The following AZIN2 variants were observed in gnomAD, a reference collection of about 807,000 sequenced individuals.
AZIN2 encodes the protein antizyme inhibitor 2, also known as ODC antizyme inhibitor-2.
In AZIN2, 28 loss-of-function variants were observed where a neutral mutation model predicts 47.8. The ratio of observed to expected loss-of-function variants is 0.59; its 90% CI spans 0.43 to 0.80. The LOEUF (loss-of-function observed/expected upper bound fraction) is 0.80. Ranked by LOEUF, AZIN2 falls within the 30% of genes least tolerant of loss-of-function variation. AZIN2 has a pLI of 0.00. For synonymous variants in AZIN2, 221 were observed against 239.4 expected, an observed-to-expected ratio of 0.92 and a Z score of 0.71; for missense variants, 535 against 582.5, an observed-to-expected ratio of 0.92 and a Z score of 0.84.
At chr1:33,087,248 C>T (rs757049530) in intron 5 of AZIN2, among the ~76,000 whole-genome samples, 8 of 151,894 alleles carry the variant, frequency 5.3e-5, no homozygotes, top group Admixed American at 4.6e-4. Context: ...ATTCTCCTGC[C>T]TCAGCCTTCC....
the AZIN2 span, among the ~76,000 whole-genome samples, chr1:33,161,592 G>T: frequency 6.6e-6 from 1 of 152,156 alleles, no homozygotes; most frequent in East Asian, 1.9e-4. This position sits in a 1 kb window ranked among gnomAD's most constrained non-coding sequence, Gnocchi z 4.3. Flanking sequence ...GCAGACAAAG[G>T]GGGGCGGACG....
the AZIN2 span, among the ~76,000 whole-genome samples, chr1:33,155,588 G>A: frequency 6.6e-6 from 1 of 152,282 alleles, no homozygotes; most frequent in Middle Eastern, 3.4e-3. Context: ...TCTGGGGCCC[G>A]ACGTTGGGGT....
At chr1:33,149,457 T>TA in the AZIN2 span, among the ~76,000 whole-genome samples, 28,372 of 149,548 alleles carry the variant, frequency 0.19, 2,976 homozygotes, top group South Asian at 0.29. Context: ...CTGGATTCTT[T>TA]TAAAAAAAAA....
intron 10 of AZIN2, among the ~76,000 whole-genome samples, chr1:33,098,394 T>C (rs2124562237): frequency 6.6e-6 from 1 of 152,214 alleles, no homozygotes; most frequent in South Asian, 2.1e-4. Flanking sequence ...ATTGGAATCA[T>C]ATTGTTTTGT....
the AZIN2 span, among the ~76,000 whole-genome samples, chr1:33,131,912 G>A: frequency 6.6e-6 from 1 of 152,076 alleles, no homozygotes; most frequent in Non-Finnish European, 1.5e-5. Flanking sequence ...CAGAAACCTT[G>A]AGGGGAAATG....
At position 33,081,222 on chromosome 1, in the gene AZIN2, A is replaced by C. The variant is rs950031063; in HGVS notation, c.-478A>C. 6 of 153,346 alleles carry C rather than the reference A, an allele frequency of 3.9e-5. No homozygotes were observed. The highest frequency in any genetic ancestry group is 8.7e-5 in the Non-Finnish European group (6 of 68,684). The allele number at this position is 153,346 out of a possible 1,614,324, so 9.5% of individuals were successfully genotyped here. A position where few individuals can be genotyped will look rare whatever the true frequency, so the allele number is the denominator to read the frequency against. ...GGACCCGAGCCCGGGGAAGCGAGAG[A>C]GCGGAGGCGCCGAGGATCCGATTCA... On this transcript the variant is annotated 5_prime_UTR_variant, in exon 1 of 12. Transcript: ENST00000294517. The surrounding 1 kb of genome is among the most constrained non-coding windows in gnomAD (Gnocchi z 4.2).
chr1:33,146,984 A>C, the AZIN2 span: 1 of 617,654 alleles, frequency 1.6e-6, no homozygotes, highest in Non-Finnish European at 2.8e-6. Flanking sequence ...GAGCTACAGA[A>C]CATCGATGCT....
downstream of AZIN2, among the ~76,000 whole-genome samples, chr1:33,128,446 C>G (rs1322234772): frequency 6.6e-6 from 1 of 152,114 alleles, no homozygotes; most frequent in Non-Finnish European, 1.5e-5. Flanking sequence ...ACCACAGTAA[C>G]CAGGTAAGTT....
chr1:33,118,016 C>G lies in AZIN2; in HGVS notation c.1144C>G (p.Leu382Val), dbSNP rs761002540. ...WLPQLHVGDW[L>V]VFDNMGAYTV... The stretch of plus-strand genomic sequence containing the variant: ...GCCGCAACTACACGTAGGGGACTGG[C>G]TGGTCTTTGACAACATGGGCGCCTA... Residue 382 changes from leucine (L) to valine (V), a missense_variant, in exon 11 of 12, where the codon CTG becomes GTG. This residue lies in a region of AZIN2 where 122 missense variants were observed against 135.8 expected (regional missense o/e 0.90). Transcript: ENST00000294517. 6.3e-7 allele frequency: 1 copy of G among 1,591,788 alleles called. No homozygotes were observed. The highest frequency in any genetic ancestry group is 1.1e-5 in the South Asian group (1 of 87,482).
the AZIN2 span, chr1:33,147,377 G>T: frequency 6.2e-7 from 1 of 1,614,148 alleles, no homozygotes; most frequent in East Asian, 2.2e-5. This position sits in a 1 kb window ranked among gnomAD's most constrained non-coding sequence, Gnocchi z 8.1. Context: ...AGCTTGTCCC[G>T]GACGTTAAGC....
At chr1:33,137,269 C>T in the AZIN2 span, among the ~76,000 whole-genome samples, 2 of 152,170 alleles carry the variant, frequency 1.3e-5, no homozygotes, top group African/African-American at 2.4e-5. Context: ...AATGTGAGCT[C>T]TGCCACGTAA....
intron 8 of AZIN2, among the ~76,000 whole-genome samples, chr1:33,095,849 T>A (rs1278911533): frequency 6.6e-6 from 1 of 152,204 alleles, no homozygotes; most frequent in African/African-American, 2.4e-5. Context: ...GAAATAATTT[T>A]TTTTTTGAGA....
chr1:33,142,633 T>G, the AZIN2 span: 1 of 152,202 alleles, frequency 6.6e-6, no homozygotes. Context: ...GAAGCTTGGC[T>G]CACAATTGAG....
chr1:33,116,886 G>T (rs1219255689), intron 10 of AZIN2, among the ~76,000 whole-genome samples: 2 of 152,158 alleles, frequency 1.3e-5, no homozygotes, highest in Non-Finnish European at 2.9e-5. Flanking sequence ...CAGAGCAACT[G>T]GAGTAACTGG....
At chr1:33,092,994 A>G (rs1302737086) in intron 6 of AZIN2, among the ~76,000 whole-genome samples, 5 of 152,192 alleles carry the variant, frequency 3.3e-5, no homozygotes, top group African/African-American at 1.2e-4. Flanking sequence ...GACAAGTTTG[A>G]AAGCTCTAAC....
rs759678764 is a variant in AZIN2, at chr1:33,121,157, A to C, written c.*975A>C. Among the ~76,000 whole-genome samples the C allele has an allele frequency of 6.6e-6, 1 of 152,146 alleles. No homozygotes were observed. The highest frequency in any genetic ancestry group is 1.5e-5 in the Non-Finnish European group (1 of 68,012). ...CCGGGGTGTGTGAGCTGTTGAGCAA[A>C]GGAGTTCAGATTTTAGAGTCCCCCT... is the stretch of plus-strand genomic sequence containing the variant. On this transcript the variant is annotated 3_prime_UTR_variant, in exon 12 of 12. Transcript: ENST00000294517.
intron 5 of AZIN2, among the ~76,000 whole-genome samples, chr1:33,090,835 ACTT>A (rs979050563): frequency 6.6e-6 from 1 of 152,028 alleles, no homozygotes; most frequent in Non-Finnish European, 1.5e-5. Flanking sequence ...CCTTTGACCA[ACTT>A]CTTCCCACTG....
chr1:33,084,372 G>A (rs762568457), intron 5 of AZIN2, among the ~76,000 whole-genome samples: 3 of 152,174 alleles, frequency 2.0e-5, no homozygotes, highest in African/African-American at 7.2e-5. Flanking sequence ...TCTTTTTAAT[G>A]GAGATTTGCA....
chr1:33,121,282 G>A lies in AZIN2; in HGVS notation c.*1100G>A, dbSNP rs767551735. Among the ~76,000 whole-genome samples the A allele has an allele frequency of 3.9e-5, 6 of 152,216 alleles. No individual in the cohort carries two copies. Among genetic ancestry groups the A allele is most frequent in the Non-Finnish European group, 8.8e-5 (6 of 68,038 alleles). The stretch of plus-strand genomic sequence containing the variant: ...CAAATTCACCCTTTTAAATGCAGAA[G>A]CCTGGGTGCAGTGGCTCACACCTGT... On this transcript the variant is annotated 3_prime_UTR_variant, in exon 12 of 12. Transcript: ENST00000294517.
Sources: allele counts gnomAD v4.1 joint callset (sites outside exome capture counted in the v4.1 genomes callset), GRCh38; gene constraint gnomAD v4.1.1; regional missense constraint gnomAD v4.1.1; non-coding constraint Gnocchi (gnomAD v3.1); transcripts MANE v1.5; gene names NCBI Gene and HGNC (gene_info 2026-07-23, HGNC 2026-07-21).